Variants in SPAM1 observed in about 807,000 individuals in gnomAD.
SPAM1 encodes the protein hyaluronidase PH-20.
SPAM1 carries 22 observed loss-of-function variants against 29.6 expected under a neutral mutation model. The observed-to-expected ratio is 0.74, with a 90% CI of 0.53 to 1.06. The LOEUF (loss-of-function observed/expected upper bound fraction) is 1.06. SPAM1 is among the 50% of genes least tolerant of loss of function. The pLI is 0.00. For missense variants in SPAM1, 534 were observed against 604.0 expected (o/e 0.88, Z 1.21); for synonymous variants, 194 against 204.6 (o/e 0.95, Z 0.44).
At chr7:123,946,946 T>C (rs1031083599) in intron 1 of SPAM1, among the ~76,000 whole-genome samples, 12 of 152,146 alleles carry the variant, frequency 7.9e-5, no homozygotes, top group Admixed American at 7.2e-4. Context: ...GCTAGCTTAT[T>C]TAGGAATAAA....
chr7:123,969,309 A>G (rs1007646368), intron 5 of SPAM1, among the ~76,000 whole-genome samples: 4 of 151,830 alleles, frequency 2.6e-5, no homozygotes, highest in Admixed American at 2.0e-4. Flanking sequence ...CCATTTGTCT[A>G]TTTTTGGTTT....
At chr7:123,952,049 T>A (rs1792107930) in intron 2 of SPAM1, among the ~76,000 whole-genome samples, 1 of 152,148 alleles carries the variant, frequency 6.6e-6, no homozygotes, top group Non-Finnish European at 1.5e-5. Context: ...CTTTTCCCTG[T>A]CCCTGCCATT....
chr7:123,950,752 G>C (rs1036177664), intron 2 of SPAM1, among the ~76,000 whole-genome samples: 1 of 151,998 alleles, frequency 6.6e-6, no homozygotes, highest in African/African-American at 2.4e-5. Flanking sequence ...TTTATATAAC[G>C]ATTTCTTTTC....
chr7:123,961,206 A>G (rs1792353446), downstream of SPAM1, among the ~76,000 whole-genome samples: 1 of 151,812 alleles, frequency 6.6e-6, no homozygotes, highest in Admixed American at 6.6e-5. Context: ...CTTTTTGAAC[A>G]TATGCAATGT....
intron 1 of SPAM1, among the ~76,000 whole-genome samples, chr7:123,941,675 G>T (rs1462493870): frequency 6.6e-6 from 1 of 152,118 alleles, no homozygotes; most frequent in Non-Finnish European, 1.5e-5. Flanking sequence ...GCTCATTTAG[G>T]AATAAAATGG....
intron 1 of SPAM1, among the ~76,000 whole-genome samples, chr7:123,928,792 GT>G (rs1807975142): frequency 1.3e-5 from 2 of 152,042 alleles, no homozygotes; most frequent in African/African-American, 4.8e-5. Flanking sequence ...CAGGACAATT[GT>G]TTTTTTCAAT....
intron 3 of SPAM1, among the ~76,000 whole-genome samples, 196 bp from the exon 4 acceptor site, chr7:123,954,801 C>G (rs905139073): frequency 4.6e-5 from 7 of 150,864 alleles, no homozygotes; most frequent in African/African-American, 1.7e-4. Flanking sequence ...CGTCTCTTTT[C>G]AATAGAAGTG....
chr7:123,962,656 T>G (rs917568904), downstream of SPAM1, among the ~76,000 whole-genome samples: 31 of 151,946 alleles, frequency 2.0e-4, no homozygotes, highest in African/African-American at 7.2e-4. Context: ...GTCTTAACAT[T>G]TAAGTCTTTG....
chr7:123,930,139 T>G (rs911740564), intron 1 of SPAM1, among the ~76,000 whole-genome samples: 24 of 152,118 alleles, frequency 1.6e-4, no homozygotes, highest in Non-Finnish European at 3.1e-4. Context: ...AGGGAATCCC[T>G]AAGCCTAGCC....
rs549025787 is a variant in SPAM1, at chr7:123,958,583, T to A, written c.1045-901T>A. Among the ~76,000 whole-genome samples the A allele has an allele frequency of 2.6e-5, 4 of 152,120 alleles. No homozygotes were observed. In the South Asian group the frequency reaches 8.3e-4, roughly 32 times the overall value. ...TGGATCATGCCTGTAATCCCAACAC[T>A]GTGGAAGGATGGGGTGGGAGGATTG... On this transcript the variant is annotated intron_variant, in intron 4 of 4. Transcript: ENST00000682466.
chr7:123,939,154 C>T (rs939043851), intron 1 of SPAM1, among the ~76,000 whole-genome samples: 1 of 149,058 alleles, frequency 6.7e-6, no homozygotes, highest in Non-Finnish European at 1.5e-5. Flanking sequence ...GGTGCGATCT[C>T]GGCTCACTGC....
intron 1 of SPAM1, among the ~76,000 whole-genome samples, chr7:123,946,958 T>C (rs879825772): frequency 6.6e-6 from 1 of 152,132 alleles, no homozygotes; most frequent in Admixed American, 6.5e-5. Flanking sequence ...AGGAATAAAA[T>C]GGGAAGCAGG....
At chr7:123,965,008 A>T (rs1307325584), downstream of SPAM1, among the ~76,000 whole-genome samples, 7 of 152,136 alleles carry the variant, frequency 4.6e-5, 1 homozygote, top group East Asian at 9.7e-4. Context: ...AAATAAGAAG[A>T]GCTTCTGTTT....
In SPAM1 at chr7:123,970,143, C is replaced by T. The variant is rs923261970; in HGVS notation, c.1486-55C>T. On this transcript the variant is annotated intron_variant, in intron 5 of 6. Coordinates refer to the SPAM1 transcript ENST00000340011. ...TGCTAGTGATGCTATAACAAAGTGCCACAGACTAGGTGGCTTAAACAACAG... is the reference window on the plus strand; with the variant it reads ...TGCTAGTGATGCTATAACAAAGTGCTACAGACTAGGTGGCTTAAACAACAG... 1.1e-5 allele frequency: 17 copies of T among 1,537,886 alleles called. 1 individual carries two copies. The South Asian group carries it at 1.9e-4, about 17-fold the overall frequency.
At chr7:123,953,280 T>C (rs1419153578) in intron 2 of SPAM1, 85 bp from the exon 3 acceptor site, 1 of 291,832 alleles carries the variant, frequency 3.4e-6, no homozygotes, top group African/African-American at 2.2e-5. Flanking sequence ...TTAAACCCCC[T>C]GCACTTAAAG....
At chr7:123,963,390 A>C (rs138236288), downstream of SPAM1, among the ~76,000 whole-genome samples, 62 of 151,646 alleles carry the variant, frequency 4.1e-4, no homozygotes, top group African/African-American at 1.4e-3. Flanking sequence ...TTATACTTAA[A>C]TTCGATTTTA....
chr7:123,953,796 A>G lies in SPAM1; in HGVS notation c.226A>G (p.Ile76Val). The change falls in exon 3 of 5, where the codon ATA becomes GTA. Residue 76 changes from isoleucine to valine, a missense_variant. Ile to Val is a conservative substitution (Grantham distance 29). Coordinates refer to ENST00000682466, the MANE Select transcript of SPAM1 (RefSeq NM_153189.3). ...ACTAGATATGAGCCTCTTCTCTTTC[A>G]TAGGAAGCCCCCGAATAAACGCCAC... ...EPLDMSLFSF[I>V]GSPRINATGQ... is the part of the protein sequence containing the mutation. 6.2e-7 allele frequency: 1 copy of G among 1,612,462 alleles called. No individual in the cohort carries two copies. Among genetic ancestry groups the G allele is most frequent in the Non-Finnish European group, 8.5e-7 (1 of 1,179,390 alleles).
rs367736999 is a variant in SPAM1 at position 123,955,016 on chromosome 7, T to C, written c.974T>C (p.Phe325Ser). The C allele has an allele frequency of 2.6e-5, 42 of 1,611,214 alleles. No homozygotes were observed. In the Admixed American group the frequency reaches 6.5e-4, roughly 25 times the overall value. The change falls in exon 4 of 5, where the codon TTT becomes TCT. Residue 325 changes from phenylalanine to serine, a missense_variant. Transcript: ENST00000682466. Reference sequence around the variant, plus strand: ...TTCCAGGATGAACTTGTGTATACATTTGGCGAAACTGTTGCTCTGGGTGCT... The same window carrying C: ...TTCCAGGATGAACTTGTGTATACATCTGGCGAAACTGTTGCTCTGGGTGCT... Reference protein sequence around the residue: ...FLSQDELVYTFGETVALGASG... With the variant: ...FLSQDELVYTSGETVALGASG...
exon 6 of SPAM1, chr7:123,970,258 G>A (rs373905973): frequency 4.6e-5 from 71 of 1,548,152 alleles, no homozygotes; most frequent in Non-Finnish European, 5.4e-5. Context: ...AGAGTCATGA[G>A]GGAAAAATGT....
Sources: allele counts gnomAD v4.1 joint callset (sites outside exome capture counted in the v4.1 genomes callset), GRCh38; gene constraint gnomAD v4.1.1; transcripts MANE v1.5; gene names NCBI Gene and HGNC (gene_info 2026-07-23, HGNC 2026-07-21).